The following GAL3ST2 variants were observed in gnomAD, a reference collection of about 807,000 sequenced individuals.
GAL3ST2 encodes galactose-3-O-sulfotransferase 2, also known as beta-galactose-3-O-sulfotransferase 2.
In GAL3ST2, 16 loss-of-function variants were observed where a neutral mutation model predicts 12.9. That is an observed-to-expected ratio of 1.24 (90% CI 0.84 to 1.88). The LOEUF (loss-of-function observed/expected upper bound fraction) is 1.88. Among genes scored for constraint, GAL3ST2 ranks in the 40% most tolerant of loss-of-function variants. The pLI is 0.00. For missense variants in GAL3ST2, 639 were observed against 571.8 expected (o/e 1.12, Z -1.20); for synonymous variants, 302 against 273.9 (o/e 1.10, Z -1.01).
Position 241,803,892 on chromosome 2 carries a change from A to G in GAL3ST2, c.923A>G (p.Glu308Gly). ...LGPRRLRGEVERLRARRRELA... is the reference protein window; with the variant it reads ...LGPRRLRGEVGRLRARRRELA... Reference sequence around the variant, plus strand: ...CCGCGGCGGCTGCGCGGGGAGGTGGAGCGGCTGCGCGCCCGGAGGCGCGAA... The same window carrying G: ...CCGCGGCGGCTGCGCGGGGAGGTGGGGCGGCTGCGCGCCCGGAGGCGCGAA... The change falls in exon 4 of 4, where the codon GAG becomes GGG. Residue 308 changes from glutamate (E) to glycine (G), a missense_variant. Coordinates refer to ENST00000192314, the MANE Select transcript of GAL3ST2 (RefSeq NM_022134.3). The G allele has an allele frequency of 3.5e-6, 5 of 1,417,174 alleles. No homozygotes were observed. Among genetic ancestry groups the G allele is most frequent in the Middle Eastern group, 2.2e-4 (1 of 4,454 alleles). The allele number at this position is 1,417,174 out of a possible 1,614,324, so 87.8% of individuals were successfully genotyped here. A position where few individuals can be genotyped will look rare whatever the true frequency, so the allele number is the denominator to read the frequency against.
intron 1 of GAL3ST2, among the ~76,000 whole-genome samples, chr2:241,791,315 G>A (rs965406251): frequency 6.6e-6 from 1 of 152,226 alleles, no homozygotes; most frequent in African/African-American, 2.4e-5. Context: ...TTGTATAAGT[G>A]CAATAAGAAT....
intron 1 of GAL3ST2, among the ~76,000 whole-genome samples, chr2:241,779,752 G>A (rs1250804888): frequency 1.3e-5 from 2 of 151,498 alleles, no homozygotes; most frequent in African/African-American, 2.4e-5. Flanking sequence ...TTGGGAGGCC[G>A]AGGCGGGCGG....
At position 241,803,987 on chromosome 2, in the gene GAL3ST2, C is replaced by T; in HGVS notation, c.1018C>T (p.Arg340Cys). 1.9e-6 allele frequency: 3 copies of T among 1,550,992 alleles called. No individual in the cohort carries two copies. Among genetic ancestry groups the T allele is most frequent in the Non-Finnish European group, 1.7e-6 (2 of 1,151,652 alleles). ...CACGCAGATCAGAGACCCGCGCCTG[C>T]GCCCCTACCAGTCCGGCAAGGCCGA... ...NHTQIRDPRL[R>C]PYQSGKADIL... is the part of the protein sequence containing the mutation. The change falls in exon 4 of 4, where the codon CGC becomes TGC. Residue 340 changes from arginine (R) to cysteine (C), a missense_variant. Coordinates refer to ENST00000192314, the MANE Select transcript of GAL3ST2 (RefSeq NM_022134.3).
intron 1 of GAL3ST2, among the ~76,000 whole-genome samples, chr2:241,790,658 C>A (rs1161977358): frequency 6.6e-6 from 1 of 152,174 alleles, no homozygotes; most frequent in Non-Finnish European, 1.5e-5. Context: ...ATGTTTTACC[C>A]CAAAATATAT....
chr2:241,799,549 G>A (rs1001308428), intron 2 of GAL3ST2, among the ~76,000 whole-genome samples: 3 of 152,240 alleles, frequency 2.0e-5, no homozygotes, highest in African/African-American at 7.2e-5. Context: ...GCCCACCTGG[G>A]ACCCTCTCCC....
At position 241,803,555 on chromosome 2, in the gene GAL3ST2, G is replaced by C; in HGVS notation, c.586G>C (p.Asp196His). Reference sequence around the variant, plus strand: ...CTACGCCAAGAACAACATGTGGTTCGACTTCGGCTTCGACCCCAACGCGCA... The same window carrying C: ...CTACGCCAAGAACAACATGTGGTTCCACTTCGGCTTCGACCCCAACGCGCA... ...NVYAKNNMWF[D>H]FGFDPNAQCE... is the part of the protein sequence containing the mutation. Residue 196 changes from aspartate to histidine, a missense_variant, in exon 4 of 4, where the codon GAC becomes CAC. Physicochemically the swap from Asp to His is moderately conservative, Grantham distance 81. Transcript: ENST00000192314. 6.2e-7 allele frequency: 1 copy of C among 1,605,888 alleles called. No homozygotes were observed. Among genetic ancestry groups the C allele is most frequent in the Non-Finnish European group, 8.5e-7 (1 of 1,176,310 alleles).
chr2:241,796,835 C>A (rs574667295), intron 1 of GAL3ST2, among the ~76,000 whole-genome samples: 2 of 152,086 alleles, frequency 1.3e-5, no homozygotes, highest in Admixed American at 6.5e-5. Flanking sequence ...GTGGGGTCAG[C>A]TAGTGGCTGG....
At chr2:241,782,314 ATTTTATTTTAT>A (rs1342872061) in intron 1 of GAL3ST2, among the ~76,000 whole-genome samples, 7 of 151,826 alleles carry the variant, frequency 4.6e-5, no homozygotes, top group Non-Finnish European at 1.0e-4. Flanking sequence ...TATTTATTTT[ATTTTATTTTAT>A]TTTTATTTAT....
intron 1 of GAL3ST2, among the ~76,000 whole-genome samples, chr2:241,786,610 C>T (rs1382406550): frequency 6.6e-6 from 1 of 151,944 alleles, no homozygotes; most frequent in Non-Finnish European, 1.5e-5. Flanking sequence ...GCAAGTAAAA[C>T]TCCAAAAAAA....
intron 1 of GAL3ST2, among the ~76,000 whole-genome samples, chr2:241,791,266 CTATT>C (rs150994943): frequency 0.02 from 3,032 of 152,266 alleles, 95 homozygotes; most frequent in African/African-American, 0.069. Flanking sequence ...AATTTGGAAA[CTATT>C]TGTGAGTATT....
chr2:241,778,032 T>A (rs151199428), intron 1 of GAL3ST2, among the ~76,000 whole-genome samples: 1 of 152,344 alleles, frequency 6.6e-6, no homozygotes, highest in East Asian at 1.9e-4. Flanking sequence ...ATGGGCTCAC[T>A]GCAGCAGCCC....
rs772071650 is a variant in GAL3ST2, at chr2:241,804,179, G to C, written c.*13G>C. 7.8e-6 allele frequency: 11 copies of C among 1,410,140 alleles called. No individual in the cohort carries two copies. The African/African-American group carries it at 1.7e-4, about 21-fold the overall frequency. 87.4% of individuals were successfully genotyped at this position (1,410,140 alleles called of 1,614,324 possible). On this transcript the variant is annotated 3_prime_UTR_variant, in exon 4 of 4. Coordinates refer to ENST00000192314, the MANE Select transcript of GAL3ST2 (RefSeq NM_022134.3). ...CCTGGGGGCGTAGAGGGGCCGGGCC[G>C]GGGACGAGGCCTCCTGCGGACACCA... is the stretch of plus-strand genomic sequence containing the variant.
Position 241,801,946 on chromosome 2 carries a change from C to T in GAL3ST2, c.285C>T (p.Pro95=). ...GCTCACGCGTCCACCTGGGCTACCC[C>T]TGGCTCTTCCTGGCGCGCTACGTGG... is the stretch of plus-strand genomic sequence containing the variant. ...PAGSRVHLGY[P]WLFLARYVEG... The change falls in exon 3 of 4, where the codon CCC becomes CCT. Residue 95 remains proline, a synonymous_variant. Coordinates refer to ENST00000192314, the MANE Select transcript of GAL3ST2 (RefSeq NM_022134.3). The surrounding 1 kb of genome is among the most constrained non-coding windows in gnomAD (Gnocchi z 4.4). 6.2e-7 allele frequency: 1 copy of T among 1,613,032 alleles called. No individual in the cohort carries two copies. The highest frequency in any genetic ancestry group is 8.5e-7 in the Non-Finnish European group (1 of 1,179,940).
intron 1 of GAL3ST2, among the ~76,000 whole-genome samples, chr2:241,784,885 CATATG>C (rs1486907052): frequency 1.3e-5 from 2 of 152,272 alleles, no homozygotes; most frequent in South Asian, 4.1e-4. Flanking sequence ...AAATTTACAA[CATATG>C]ATATGGAGAG....
chr2:241,786,514 C>G (rs1040034203), intron 1 of GAL3ST2, among the ~76,000 whole-genome samples: 2 of 152,176 alleles, frequency 1.3e-5, no homozygotes, highest in African/African-American at 4.8e-5. Flanking sequence ...CTCATCTTCC[C>G]TGTTGGAAAC....
At chr2:241,777,455 G>A (rs1699502120) in intron 1 of GAL3ST2, among the ~76,000 whole-genome samples, 1 of 152,284 alleles carries the variant, frequency 6.6e-6, no homozygotes, top group Admixed American at 6.5e-5. Context: ...GGGCTCTGCT[G>A]TGCTGTCTCC....
intron 1 of GAL3ST2, among the ~76,000 whole-genome samples, chr2:241,778,405 C>G (rs1159926085): frequency 6.6e-6 from 1 of 152,272 alleles, no homozygotes; most frequent in Non-Finnish European, 1.5e-5. Context: ...GAAATCCAGG[C>G]CGCCGGGCAA....
rs1330349919 is a variant in GAL3ST2 at position 241,785,192 on chromosome 2, T to C, written c.29+8208T>C. Among the ~76,000 whole-genome samples, 3 of 151,964 alleles carry C rather than the reference T, an allele frequency of 2.0e-5. No individual in the cohort carries two copies. The East Asian group carries it at 5.8e-4, about 29-fold the overall frequency. ...ACACTCTTCTGTAAAAACCCAAGAG[T>C]AGCCTGTTTCAAATAACTATTTTAG... On this transcript the variant is annotated intron_variant, in intron 1 of 3. Coordinates refer to ENST00000192314, the MANE Select transcript of GAL3ST2 (RefSeq NM_022134.3).
intron 1 of GAL3ST2, among the ~76,000 whole-genome samples, chr2:241,789,519 T>C (rs1699671390): frequency 6.6e-6 from 1 of 152,260 alleles, no homozygotes; most frequent in African/African-American, 2.4e-5. Context: ...GCCTTAGGGT[T>C]GTGAAACAGA....
Sources: gnomAD v4.1 joint callset for allele counts (sites outside exome capture counted in the v4.1 genomes callset) on GRCh38, gnomAD v4.1.1 for gene constraint, Gnocchi (gnomAD v3.1) non-coding constraint, MANE v1.5 for transcripts, NCBI Gene and HGNC (gene_info 2026-07-23, HGNC 2026-07-21) for gene names.